The following PALLD variants were observed in gnomAD, a reference collection of about 807,000 sequenced individuals.
PALLD encodes palladin.
A neutral mutation model predicts 123.5 loss-of-function variants in PALLD; 61 were observed. That is an observed-to-expected ratio of 0.49 (90% CI 0.40 to 0.61). The LOEUF is 0.61. PALLD is among the 20% of genes least tolerant of loss of function. The probability of loss-of-function intolerance (pLI) is 0.00; values close to 1 mark genes in which losing one functional copy is unlikely to be tolerated. For missense variants in PALLD, 1,273 were observed against 1,377.0 expected (o/e 0.92, Z 1.20); for synonymous variants, 465 against 496.4 (o/e 0.94, Z 0.84).
chr4:168,726,452 C>G (rs1417061941), intron 10 of PALLD, among the ~76,000 whole-genome samples: 11 of 152,158 alleles, frequency 7.2e-5, no homozygotes, highest in South Asian at 2.1e-4. Context: ...CATTCATGCT[C>G]TCTTCTTTAA....
At chr4:168,891,496 CTT>C (rs1014975754) in intron 11 of PALLD, among the ~76,000 whole-genome samples, 7 of 152,138 alleles carry the variant, frequency 4.6e-5, no homozygotes, top group South Asian at 2.1e-4. Context: ...CAACATTTCT[CTT>C]GATATTAGGA....
At chr4:168,801,500 G>A (rs1261277048) in intron 10 of PALLD, among the ~76,000 whole-genome samples, 3 of 152,094 alleles carry the variant, frequency 2.0e-5, no homozygotes, top group Non-Finnish European at 4.4e-5. Context: ...GGATGGGCTC[G>A]ATCTCCTGAC....
chr4:168,669,349 C>T (rs768737939), intron 3 of PALLD, among the ~76,000 whole-genome samples: 5 of 152,048 alleles, frequency 3.3e-5, no homozygotes, highest in South Asian at 2.1e-4. Context: ...GAGGATCGCT[C>T]GAGGCCAGGA....
chr4:168,750,074 A>G (rs1422617376), intron 10 of PALLD, among the ~76,000 whole-genome samples: 1 of 151,856 alleles, frequency 6.6e-6, no homozygotes, highest in Non-Finnish European at 1.5e-5. Context: ...CAACCTCCTG[A>G]GTAGCTGGGA....
intron 10 of PALLD, among the ~76,000 whole-genome samples, chr4:168,835,844 G>A (rs115791123): frequency 3.3e-5 from 5 of 152,082 alleles, no homozygotes; most frequent in African/African-American, 9.7e-5. Flanking sequence ...GATTATAGGC[G>A]TGAGCCACTG....
chr4:168,747,725 G>A (rs552980092), intron 10 of PALLD, among the ~76,000 whole-genome samples: 1 of 152,302 alleles, frequency 6.6e-6, no homozygotes, highest in East Asian at 1.9e-4. Context: ...GGGAAGCCAA[G>A]CAACTTTCCC....
chr4:168,875,415 G>C (rs530238169), intron 10 of PALLD, among the ~76,000 whole-genome samples: 1 of 152,276 alleles, frequency 6.6e-6, no homozygotes, highest in African/African-American at 2.4e-5. Context: ...GTCCAGATAT[G>C]AAATCCATTT....
chr4:168,517,452 C>A lies in PALLD; in HGVS notation c.908+5040C>A, dbSNP rs1451325949. ...ATAATTAAAAGTAATACAATTATTT[C>A]TTTTTATAATCGAAATACAGCATGT... On this transcript the variant is annotated intron_variant, in intron 2 of 21. Coordinates refer to ENST00000505667, the MANE Select transcript of PALLD (RefSeq NM_001166108.2). 5.3e-5 allele frequency among the ~76,000 whole-genome samples: 8 copies of A among 152,154 alleles called. No homozygotes were observed. The East Asian group carries it at 1.5e-3, about 29-fold the overall frequency.
At chr4:168,793,889 G>T (rs1738004114) in intron 10 of PALLD, among the ~76,000 whole-genome samples, 1 of 152,142 alleles carries the variant, frequency 6.6e-6, no homozygotes, top group Non-Finnish European at 1.5e-5. Flanking sequence ...ATCTTGTCTG[G>T]TTCAGTCATC....
intron 3 of PALLD, among the ~76,000 whole-genome samples, chr4:168,680,149 A>G (rs548046956): frequency 1.3e-4 from 20 of 152,208 alleles, no homozygotes; most frequent in African/African-American, 3.9e-4. Flanking sequence ...TTGTATAAAT[A>G]TGTACATAAA....
chr4:168,551,361 A>T (rs987461401), intron 2 of PALLD, among the ~76,000 whole-genome samples: 12 of 152,324 alleles, frequency 7.9e-5, no homozygotes, highest in South Asian at 2.1e-4. Flanking sequence ...AAGAACTGGC[A>T]ATGACAGTTT....
intron 11 of PALLD, 117 bp from the exon 12 acceptor site, chr4:168,894,460 GGA>G (rs1754688819): frequency 1.4e-6 from 1 of 722,496 alleles, no homozygotes; most frequent in Non-Finnish European, 2.5e-6. Context: ...ATCTGAAGCT[GGA>G]GAGAGAACAC....
chr4:168,720,773 A>C (rs1785932665), intron 10 of PALLD, among the ~76,000 whole-genome samples: 1 of 152,228 alleles, frequency 6.6e-6, no homozygotes, highest in South Asian at 2.1e-4. Flanking sequence ...TTGCATTAGC[A>C]GTGTTGGTCT....
intron 2 of PALLD, among the ~76,000 whole-genome samples, chr4:168,655,381 C>T (rs573394643): frequency 6.6e-6 from 1 of 152,198 alleles, no homozygotes; most frequent in Non-Finnish European, 1.5e-5. Context: ...CACTCATGCC[C>T]TGTTTGAGAT....
At chr4:168,759,216 T>A (rs1159543036) in intron 10 of PALLD, among the ~76,000 whole-genome samples, 426 of 22,196 alleles carry the variant, frequency 0.019, 24 homozygotes, top group African/African-American at 0.057. Context: ...TATATATATA[T>A]ATATATATAT....
At chr4:168,539,900 G>A (rs979529115) in intron 2 of PALLD, among the ~76,000 whole-genome samples, 1 of 152,050 alleles carries the variant, frequency 6.6e-6, no homozygotes, top group Non-Finnish European at 1.5e-5. Flanking sequence ...GGGTACGATT[G>A]ATCTGGTCAC....
At chr4:168,544,803 C>T (rs1401115178) in intron 2 of PALLD, among the ~76,000 whole-genome samples, 1 of 152,158 alleles carries the variant, frequency 6.6e-6, no homozygotes, top group African/African-American at 2.4e-5. Context: ...CAGAAAGGGA[C>T]CATTTTTACA....
chr4:168,503,589 G>C (rs1029064839), intron 1 of PALLD, among the ~76,000 whole-genome samples: 6 of 151,054 alleles, frequency 4.0e-5, no homozygotes, highest in African/African-American at 1.5e-4. Flanking sequence ...GGAGGTTGCA[G>C]TGAGCCAAGA....
At chr4:168,625,506 T>TAGATAG (rs1351750406) in intron 2 of PALLD, among the ~76,000 whole-genome samples, 27 of 86,278 alleles carry the variant, frequency 3.1e-4, no homozygotes, top group Non-Finnish European at 5.7e-4. Flanking sequence ...CCAGGAGATA[T>TAGATAG]ATATATATAT....
Sources: gnomAD v4.1 joint callset for allele counts (sites outside exome capture counted in the v4.1 genomes callset) on GRCh38, gnomAD v4.1.1 for gene constraint, MANE v1.5 for transcripts, NCBI Gene and HGNC (gene_info 2026-07-23, HGNC 2026-07-21) for gene names.